The following ZBTB17 variants were observed in gnomAD, a reference collection of about 807,000 sequenced individuals.
ZBTB17 encodes zinc finger and BTB domain containing 17.
ZBTB17 carries 24 observed loss-of-function variants against 85.1 expected under a neutral mutation model. The observed-to-expected ratio is 0.28, with a 90% CI of 0.20 to 0.40. The LOEUF is 0.40. ZBTB17 is among the 10% of genes least tolerant of loss of function. The pLI is 1.00. For missense variants in ZBTB17, 743 were observed against 1,105.1 expected (o/e 0.67, Z 4.65); for synonymous variants, 464 against 460.2 (o/e 1.01, Z -0.11).
In ZBTB17 at chr1:15,952,426, C is replaced by T. The variant is rs951157051; in HGVS notation, c.-2-3929G>A. Among the ~76,000 whole-genome samples, 4 of 152,352 alleles carry T rather than the reference C, an allele frequency of 2.6e-5. No homozygotes were observed. The highest frequency in any genetic ancestry group is 4.1e-4 in the South Asian group (2 of 4,832). On this transcript the variant is annotated intron_variant, in intron 2 of 15. Coordinates refer to ENST00000375743, the MANE Select transcript of ZBTB17 (RefSeq NM_003443.3). This position sits in a 1 kb window ranked among gnomAD's most constrained non-coding sequence, Gnocchi z 4.3. The stretch of plus-strand genomic sequence containing the variant: ...AGGCACACTGACACAGCGGAACAGA[C>T]GCGGCAGAACCGACACGGCGGAACG...
intron 2 of ZBTB17, among the ~76,000 whole-genome samples, chr1:15,950,957 ATAGAT>A (rs1052737171): frequency 6.6e-6 from 1 of 152,198 alleles, no homozygotes; most frequent in Non-Finnish European, 1.5e-5. Context: ...GGTAAGCTAG[ATAGAT>A]TAGATAAGAC....
intron 13 of ZBTB17, 142 bp from the exon 14 acceptor site, chr1:15,942,880 G>A: frequency 2.3e-6 from 3 of 1,315,764 alleles, no homozygotes; most frequent in Non-Finnish European, 3.1e-6. Context: ...TGCCTCTGGT[G>A]ACACTGGCAC....
chr1:15,947,626 T>A (rs75957374), intron 3 of ZBTB17, among the ~76,000 whole-genome samples: 160 of 152,248 alleles, frequency 1.1e-3, no homozygotes, highest in African/African-American at 3.6e-3. Flanking sequence ...AGGACGGATG[T>A]TGTGAACACC....
In ZBTB17 at chr1:15,945,706, C is replaced by A. The variant is rs775800801; in HGVS notation, c.661+9G>T. On this transcript the variant is annotated intron_variant, in intron 6 of 15. Coordinates refer to ENST00000375743, the MANE Select transcript of ZBTB17 (RefSeq NM_003443.3). ...CAGGTAGGGCCTGGTCCTGGCTGGG[C>A]GGGGCTACCTTGCTCCGAGCTCTCG... The A allele has an allele frequency of 1.2e-6, 2 of 1,606,430 alleles. No individual in the cohort carries two copies. The highest frequency in any genetic ancestry group is 1.7e-6 in the Non-Finnish European group (2 of 1,179,760).
Position 15,945,069 on chromosome 1 carries a change from C to T in ZBTB17, c.795G>A (p.Glu265=). 6.2e-7 allele frequency: 1 copy of T among 1,611,862 alleles called. No individual in the cohort carries two copies. Among genetic ancestry groups the T allele is most frequent in the Non-Finnish European group, 8.5e-7 (1 of 1,179,358 alleles). The change falls in exon 7 of 16, where the codon GAG becomes GAA. Residue 265 remains glutamate, a synonymous_variant. Coordinates refer to ENST00000375743, the MANE Select transcript of ZBTB17 (RefSeq NM_003443.3). ...SQLENGEAPE[E]NENEESAGTD... ...TGCCCGCTGACTCCTCATTCTCGTTCTCCTCGGGGGCCTCTCCGTTCTCCA... is the reference window on the plus strand; with the variant it reads ...TGCCCGCTGACTCCTCATTCTCGTTTTCCTCGGGGGCCTCTCCGTTCTCCA...
chr1:15,960,659 T>G (rs1294751487), intron 2 of ZBTB17, among the ~76,000 whole-genome samples: 1 of 152,228 alleles, frequency 6.6e-6, no homozygotes, highest in Non-Finnish European at 1.5e-5. Flanking sequence ...ACACAAGGAC[T>G]GCAGGAGCAA....
At chr1:15,959,520 GGAGGGAGGGAGGAAGGGAGGGAGGA>G (rs200677632) in intron 2 of ZBTB17, among the ~76,000 whole-genome samples, 5,387 of 141,744 alleles carry the variant, frequency 0.038, 328 homozygotes, top group African/African-American at 0.13. Context: ...AGGGAGGGAG[GGAGGGAGGGAGGAAGGGAGGGAGGA>G]GAGGGAGGGA....
Position 15,943,085 on chromosome 1 carries a change from T to G in ZBTB17, c.1807A>C (p.Lys603Gln), listed in dbSNP as rs780555120. The change falls in exon 13 of 16, where the codon AAG (lysine) becomes CAG (glutamine). Residue 603 changes from lysine to glutamine, a missense_variant. Lys to Gln is a moderately conservative substitution (Grantham distance 53). This residue lies in a region of ZBTB17 where 321 missense variants were observed against 615.7 expected (regional missense o/e 0.52). Transcript: ENST00000375743. ...KAFVNVGDLS[K>Q]HIIIHTGEKP... ...TCACCAGTGTGAATGATGATGTGCT[T>G]GGACAGGTCCCCCACGTTCACGAAG... 6.2e-7 allele frequency: 1 copy of G among 1,614,094 alleles called. No homozygotes were observed. The highest frequency in any genetic ancestry group is 2.2e-5 in the East Asian group (1 of 44,878).
Position 15,946,197 on chromosome 1 carries a change from G to T in ZBTB17, c.492C>A (p.Asp164Glu). ...GRSTPIGPSR[D>E]LKEERGGQAQ... is the part of the protein sequence containing the mutation. ...CCTGACCGCCGCGCTCCTCCTTGAG[G>T]TCCCTGCTGGGGCCTATGGGTGTGC... is the stretch of plus-strand genomic sequence containing the variant. Residue 164 changes from aspartate to glutamate, a missense_variant, in exon 5 of 16, where the codon GAC becomes GAA. Physicochemically the swap from Asp to Glu is conservative, Grantham distance 45 (BLOSUM62 2). This residue lies in a region of ZBTB17 where 279 missense variants were observed against 269.9 expected (regional missense o/e 1.03). Coordinates refer to ENST00000375743, the MANE Select transcript of ZBTB17 (RefSeq NM_003443.3). 1 of 1,612,534 alleles carries T rather than the reference G, an allele frequency of 6.2e-7. No homozygotes were observed. Among genetic ancestry groups the T allele is most frequent in the African/African-American group, 1.3e-5 (1 of 75,046 alleles).
At position 15,975,300 on chromosome 1, in the gene ZBTB17, A is replaced by G. The variant is rs2072826970; in HGVS notation, c.-90+683T>C. Among the ~76,000 whole-genome samples the G allele has an allele frequency of 2.0e-5, 3 of 152,212 alleles. No individual in the cohort carries two copies. The South Asian group carries it at 6.2e-4, about 32-fold the overall frequency. On this transcript the variant is annotated intron_variant, in intron 1 of 15. Transcript: ENST00000375743. The stretch of plus-strand genomic sequence containing the variant: ...ATTATCATCTCTGCTTAAAGGATGA[A>G]TAAACCCAGGCAGAGAGAAAAAGCC...
chr1:15,961,119 A>C (rs112689872), intron 2 of ZBTB17, among the ~76,000 whole-genome samples: 7 of 152,364 alleles, frequency 4.6e-5, no homozygotes, highest in Admixed American at 1.3e-4. Flanking sequence ...GTCTCAAAAA[A>C]AGAAAAAAGA....
At chr1:15,943,746 G>A (rs2071457801) in intron 10 of ZBTB17, 31 bp from the exon 11 acceptor site, 5 of 1,612,718 alleles carry the variant, frequency 3.1e-6, no homozygotes, top group Non-Finnish European at 4.2e-6. Flanking sequence ...AACCTGGCGT[G>A]GGGCACCACC....
intron 2 of ZBTB17, among the ~76,000 whole-genome samples, chr1:15,965,069 G>T (rs1176556977): frequency 6.7e-6 from 1 of 150,120 alleles, no homozygotes; most frequent in Non-Finnish European, 1.5e-5. Flanking sequence ...AGCTGAGATC[G>T]CGCCACTGCA....
In ZBTB17 at chr1:15,943,595, C is replaced by T. The variant is rs771668938; in HGVS notation, c.1576+4G>A. Reference sequence around the variant, plus strand: ...AGTCCTGGGCATGGCCGCTCACCACCCACCTGTGTGAATGCGGACGTGCCG... The same window carrying T: ...AGTCCTGGGCATGGCCGCTCACCACTCACCTGTGTGAATGCGGACGTGCCG... On this transcript the variant is annotated splice_donor_region_variant and intron_variant, in intron 11 of 15. Transcript: ENST00000375743. 1 of 1,612,956 alleles carries T rather than the reference C, an allele frequency of 6.2e-7. No individual in the cohort carries two copies. Among genetic ancestry groups the T allele is most frequent in the Non-Finnish European group, 8.5e-7 (1 of 1,179,942 alleles).
intron 2 of ZBTB17, among the ~76,000 whole-genome samples, chr1:15,972,399 A>T (rs1410031543): frequency 2.6e-5 from 4 of 152,218 alleles, no homozygotes; most frequent in Non-Finnish European, 5.9e-5. Context: ...AGACAGACTG[A>T]GGACAGAGCA....
rs1352127806 is a variant in ZBTB17 at position 15,944,474 on chromosome 1, G to A, written c.1197C>T (p.Phe399=). ...GGCGCTTGAGGTTGCCCGAGGTGGT[G>A]AAGAGCTTGCCGCAGTCCTCGCAGC... ...RYRCEDCGKL[F]TTSGNLKRHQ... Residue 399 remains phenylalanine (F), a synonymous_variant, in exon 9 of 16, where the codon TTC becomes TTT. Transcript: ENST00000375743. 1 of 1,576,858 alleles carries A rather than the reference G, an allele frequency of 6.3e-7. No individual in the cohort carries two copies. Among genetic ancestry groups the A allele is most frequent in the Non-Finnish European group, 8.6e-7 (1 of 1,162,702 alleles).
At position 15,951,223 on chromosome 1, in the gene ZBTB17, G is replaced by A. The variant is rs1411360238; in HGVS notation, c.-2-2726C>T. ...GCCCCAGCAGAGAAACGCACCAAAAGGGAAGAAAACAGGAGAAATGATAAG... is the reference window on the plus strand; with the variant it reads ...GCCCCAGCAGAGAAACGCACCAAAAAGGAAGAAAACAGGAGAAATGATAAG... On this transcript the variant is annotated intron_variant, in intron 2 of 15. Coordinates refer to ENST00000375743, the MANE Select transcript of ZBTB17 (RefSeq NM_003443.3). This position sits in a 1 kb window ranked among gnomAD's most constrained non-coding sequence, Gnocchi z 4.1. Among the ~76,000 whole-genome samples the A allele has an allele frequency of 6.6e-6, 1 of 151,828 alleles. No individual in the cohort carries two copies. Among genetic ancestry groups the A allele is most frequent in the Non-Finnish European group, 1.5e-5 (1 of 68,012 alleles).
intron 2 of ZBTB17, among the ~76,000 whole-genome samples, chr1:15,961,940 G>A (rs3979177): frequency 0.04 from 6,161 of 152,186 alleles, 416 homozygotes; most frequent in African/African-American, 0.14. Context: ...GAGGTGGCGC[G>A]TGCCTGTAAT....
chr1:15,968,337 C>G (rs1042476935), intron 2 of ZBTB17, among the ~76,000 whole-genome samples: 1 of 152,150 alleles, frequency 6.6e-6, no homozygotes. Context: ...TCCACTCATC[C>G]GACACTTGCT....
Sources: allele counts gnomAD v4.1 joint callset (sites outside exome capture counted in the v4.1 genomes callset), GRCh38; gene constraint gnomAD v4.1.1; regional missense constraint gnomAD v4.1.1; non-coding constraint Gnocchi (gnomAD v3.1); transcripts MANE v1.5; gene names NCBI Gene and HGNC (gene_info 2026-07-23, HGNC 2026-07-21).